Variants in RCC1L observed in about 807,000 individuals in gnomAD.
RCC1L encodes RCC1 like, also known as RCC1-like G exchanging factor-like protein.
In RCC1L, 46 loss-of-function variants were observed where a neutral mutation model predicts 58.6. The observed-to-expected ratio is 0.79, with a 90% CI of 0.62 to 1.00. The LOEUF (loss-of-function observed/expected upper bound fraction) is 1.00, where lower values mean the gene tolerates loss of function less well. Ranked by LOEUF, RCC1L falls within the 50% of genes least tolerant of loss-of-function variation. RCC1L has a pLI of 0.00. For synonymous variants in RCC1L, 281 were observed against 262.9 expected, an observed-to-expected ratio of 1.07 and a Z score of -0.67; for missense variants, 636 against 623.6, an observed-to-expected ratio of 1.02 and a Z score of -0.21.
At chr7:75,051,087 C>T (rs1584493208) in intron 10 of RCC1L, among the ~76,000 whole-genome samples, 1 of 151,296 alleles carries the variant, frequency 6.6e-6, no homozygotes, top group East Asian at 1.9e-4. Context: ...AAAGTGAGAC[C>T]CTGTCTCATA....
chr7:75,056,183 T>G, intron 8 of RCC1L, 109 bp from the exon 9 acceptor site: 1 of 1,366,906 alleles, frequency 7.3e-7, no homozygotes, highest in Non-Finnish European at 1.0e-6. Context: ...CGGTTTTTTT[T>G]TGTTTTTTTT....
intron 10 of RCC1L, among the ~76,000 whole-genome samples, chr7:75,052,233 C>G (rs1175084099): frequency 1.3e-5 from 2 of 152,182 alleles, no homozygotes; most frequent in African/African-American, 2.4e-5. Flanking sequence ...AGCATTCCCC[C>G]ACATGGGCTT....
intron 10 of RCC1L, among the ~76,000 whole-genome samples, chr7:75,047,984 C>T (rs1294403084): frequency 2.5e-4 from 37 of 147,192 alleles, no homozygotes; most frequent in African/African-American, 8.9e-4. Flanking sequence ...AAAGAACCAC[C>T]GGCCAGGAGC....
intron 10 of RCC1L, among the ~76,000 whole-genome samples, chr7:75,046,494 G>A (rs1046941888): frequency 1.3e-5 from 2 of 152,182 alleles, no homozygotes; most frequent in Non-Finnish European, 2.9e-5. Context: ...TCTCTGCTGC[G>A]GGTGGCCTGG....
chr7:75,049,299 T>G (rs991621937), intron 10 of RCC1L, among the ~76,000 whole-genome samples: 12,776 of 152,020 alleles, frequency 0.084, 1,736 homozygotes, highest in African/African-American at 0.29. Context: ...GGCAGAAGTT[T>G]GAGACCAGCC....
At chr7:75,044,599 GAAA>G (rs1169350324) in intron 10 of RCC1L, among the ~76,000 whole-genome samples, 1 of 40,662 alleles carries the variant, frequency 2.5e-5, no homozygotes, top group Non-Finnish European at 4.1e-5. Context: ...ACTCTGTCTC[GAAA>G]AAAAAAAAAA....
At chr7:75,043,539 C>G (rs1234948155) in intron 10 of RCC1L, among the ~76,000 whole-genome samples, 1 of 152,222 alleles carries the variant, frequency 6.6e-6, no homozygotes, top group Non-Finnish European at 1.5e-5. Context: ...GTTCAGAGAT[C>G]TCTCCTGGGA....
intron 1 of RCC1L, among the ~76,000 whole-genome samples, chr7:75,071,701 T>G (rs1340096087): frequency 6.6e-6 from 1 of 152,036 alleles, no homozygotes; most frequent in Non-Finnish European, 1.5e-5. Context: ...GGTAGGTAAG[T>G]TGACAGATCT....
chr7:75,036,316 A>G (rs1481853282), intron 10 of RCC1L, among the ~76,000 whole-genome samples: 1 of 151,514 alleles, frequency 6.6e-6, no homozygotes, highest in Non-Finnish European at 1.5e-5. Flanking sequence ...GGGTTTCTCC[A>G]TGTCCATGTT....
At chr7:75,027,863 C>T in exon 11 of RCC1L, 1 of 775,904 alleles carries the variant, frequency 1.3e-6, no homozygotes, top group Admixed American at 2.1e-5. Flanking sequence ...GTGGTTTTTC[C>T]CAGGCAGGGG....
intron 10 of RCC1L, among the ~76,000 whole-genome samples, chr7:75,031,048 T>C (rs1805287435): frequency 6.6e-6 from 1 of 152,216 alleles, no homozygotes; most frequent in East Asian, 1.9e-4. Flanking sequence ...TGCCTCAGTT[T>C]ACCTGTATTC....
chr7:75,042,773 G>C lies in RCC1L; in HGVS notation c.*259C>G. ...CGTCGCATGTTACTTGGAGAGAACA[G>C]AGACGTGCGGGCCACAGCGGCCCAC... On this transcript the variant is annotated 3_prime_UTR_variant, in exon 11 of 11. Transcript: ENST00000610322. 1 of 1,416,522 alleles carries C rather than the reference G, an allele frequency of 7.1e-7. No individual in the cohort carries two copies. The highest frequency in any genetic ancestry group is 1.4e-5 in the African/African-American group (1 of 69,214). The allele number at this position is 1,416,522 out of a possible 1,614,324, so 87.7% of individuals were successfully genotyped here.
At chr7:75,039,678 G>A (rs1156822629), downstream of RCC1L, among the ~76,000 whole-genome samples, 1 of 152,184 alleles carries the variant, frequency 6.6e-6, no homozygotes, top group East Asian at 1.9e-4. Flanking sequence ...CTTCCACCCG[G>A]GTGCCTCTCT....
chr7:75,058,791 A>AT (rs1806172349), intron 6 of RCC1L, 22 bp from the exon 7 acceptor site: 13 of 1,613,652 alleles, frequency 8.1e-6, no homozygotes, highest in Non-Finnish European at 1.1e-5. Flanking sequence ...GAAAATACAG[A>AT]TTTTTAATTA....
chr7:75,052,491 C>T (rs1378126251), intron 10 of RCC1L, among the ~76,000 whole-genome samples: 13 of 152,234 alleles, frequency 8.5e-5, no homozygotes, highest in African/African-American at 2.7e-4. Flanking sequence ...CACTCCCCCA[C>T]GCATCACACC....
chr7:75,057,462 G>C (rs955693055), intron 8 of RCC1L, 67 bp downstream of exon 8: 21 of 1,536,236 alleles, frequency 1.4e-5, no homozygotes, highest in Non-Finnish European at 1.7e-5. Flanking sequence ...AAATCCAATG[G>C]ACACTGACCA....
chr7:75,070,887 T>C (rs1806702335), intron 1 of RCC1L, 118 bp from the exon 2 acceptor site: 4 of 1,370,440 alleles, frequency 2.9e-6, no homozygotes, highest in Middle Eastern at 2.7e-4. Context: ...GTTTTGTTTT[T>C]GTTTTTGAGA....
At chr7:75,064,713 G>A (rs1806401203) in intron 3 of RCC1L, 65 bp from the exon 4 acceptor site, 20 of 1,569,956 alleles carry the variant, frequency 1.3e-5, no homozygotes, top group Non-Finnish European at 1.6e-5. Flanking sequence ...TGTGAGGACT[G>A]GAAGGGGTCT....
chr7:75,066,773 C>A lies in RCC1L; in HGVS notation c.474G>T (p.Val158=), dbSNP rs1554445204. ...RKDKTRGYEY[V]LEPSPVSLPL... ...GCAGGGAGACGGGTGAGGGCTCCAA[C>A]ACATACTCGTAGCCCCTCGCTGGAA... Residue 158 remains valine (V), a synonymous_variant, in exon 3 of 11, where the codon GTG becomes GTT. Coordinates refer to ENST00000610322, the MANE Select transcript of RCC1L (RefSeq NM_030798.5). 1.9e-6 allele frequency: 3 copies of A among 1,610,490 alleles called. No homozygotes were observed. The highest frequency in any genetic ancestry group is 1.7e-5 in the Admixed American group (1 of 58,858).
Sources: allele counts gnomAD v4.1 joint callset (sites outside exome capture counted in the v4.1 genomes callset), GRCh38; gene constraint gnomAD v4.1.1; transcripts MANE v1.5; gene names NCBI Gene and HGNC (gene_info 2026-07-23, HGNC 2026-07-21).